The following NALCN variants were observed in gnomAD, a reference collection of about 807,000 sequenced individuals.
NALCN encodes sodium leak channel NALCN.
In NALCN, 111 loss-of-function variants were observed where a neutral mutation model predicts 225.3. The observed-to-expected ratio is 0.49, with a 90% confidence interval of 0.42 to 0.58. The LOEUF (loss-of-function observed/expected upper bound fraction) is 0.58. NALCN is among the 20% of genes least tolerant of loss of function. The pLI is 0.00. For synonymous variants in NALCN, 764 were observed against 769.0 expected (o/e 0.99, Z 0.11); for missense variants, 1,378 against 2,202.4 (o/e 0.63, Z 7.49).
chr13:101,213,254 C>T (rs2040596475), intron 13 of NALCN, among the ~76,000 whole-genome samples: 1 of 152,206 alleles, frequency 6.6e-6, no homozygotes, highest in East Asian at 1.9e-4. Flanking sequence ...ATGTAGAAAG[C>T]TGAAACTGGA....
intron 41 of NALCN, 21 bp downstream of exon 41, chr13:101,061,947 G>A (rs2031981383): frequency 6.2e-7 from 1 of 1,605,900 alleles, no homozygotes; most frequent in African/African-American, 1.3e-5. Context: ...GACCCAACCT[G>A]CATGTGTGCA....
intron 13 of NALCN, among the ~76,000 whole-genome samples, chr13:101,208,360 C>T (rs1031069094): frequency 6.6e-6 from 1 of 152,116 alleles, no homozygotes; most frequent in Non-Finnish European, 1.5e-5. Flanking sequence ...TCAGAAGGAA[C>T]AAACTCTAGA....
At chr13:101,210,310 G>A (rs1235508724) in intron 13 of NALCN, among the ~76,000 whole-genome samples, 1 of 150,696 alleles carries the variant, frequency 6.6e-6, no homozygotes, top group Non-Finnish European at 1.5e-5. Flanking sequence ...AAATGTTAGA[G>A]ACAGTCCTCT....
intron 3 of NALCN, among the ~76,000 whole-genome samples, chr13:101,379,487 C>A (rs1453753264): frequency 2.0e-5 from 3 of 152,110 alleles, no homozygotes; most frequent in African/African-American, 7.2e-5. Context: ...CAATGATAAA[C>A]TGGTTAAAGA....
At chr13:101,341,419 C>A (rs938106080) in intron 7 of NALCN, among the ~76,000 whole-genome samples, 1 of 152,104 alleles carries the variant, frequency 6.6e-6, no homozygotes, top group Non-Finnish European at 1.5e-5. Flanking sequence ...GCTAACTTGA[C>A]CTTATTTTTT....
chr13:101,133,203 AC>A (rs2036600512), intron 17 of NALCN, among the ~76,000 whole-genome samples: 1 of 152,122 alleles, frequency 6.6e-6, no homozygotes, highest in African/African-American at 2.4e-5. Context: ...CCTAGAAACC[AC>A]CTTCAGAATG....
chr13:101,222,681 T>A (rs2040988912), intron 13 of NALCN, among the ~76,000 whole-genome samples: 1 of 152,186 alleles, frequency 6.6e-6, no homozygotes, highest in African/African-American at 2.4e-5. Context: ...TTAGTTGCCC[T>A]AATAAGAGCA....
intron 7 of NALCN, among the ~76,000 whole-genome samples, chr13:101,310,426 G>C (rs2139139820): frequency 6.6e-6 from 1 of 152,052 alleles, no homozygotes; most frequent in Middle Eastern, 3.4e-3. Flanking sequence ...TGCAAGGGCT[G>C]TTCCCGATGC....
At chr13:101,225,298 C>CT (rs1203000095) in intron 13 of NALCN, among the ~76,000 whole-genome samples, 2 of 152,190 alleles carry the variant, frequency 1.3e-5, no homozygotes, top group Admixed American at 6.5e-5. Context: ...CAACACATAT[C>CT]TTTTTCTCCC....
chr13:101,061,142 A>C (rs1259903949), intron 41 of NALCN, among the ~76,000 whole-genome samples: 1 of 152,250 alleles, frequency 6.6e-6, no homozygotes, highest in Admixed American at 6.5e-5. Flanking sequence ...TAAATACAGT[A>C]TATGTCAATG....
intron 15 of NALCN, among the ~76,000 whole-genome samples, chr13:101,146,013 C>T (rs1260610721): frequency 6.6e-6 from 1 of 152,138 alleles, no homozygotes. Context: ...GCAATGCATC[C>T]CTCCTATATG....
chr13:101,279,742 G>A (rs1164606211), intron 10 of NALCN, among the ~76,000 whole-genome samples: 24 of 148,410 alleles, frequency 1.6e-4, no homozygotes, highest in Admixed American at 1.1e-3. Flanking sequence ...GCGTGAACCC[G>A]GGAGGCGGAG....
In NALCN at chr13:101,400,552, T is replaced by TG. The variant is rs201121301; in HGVS notation, c.-39-1388dup. Among the ~76,000 whole-genome samples, 451 of 113,784 alleles carry TG rather than the reference T, an allele frequency of 4.0e-3. 5 individuals are homozygous for TG. The highest frequency in any genetic ancestry group is 0.016 in the African/African-American group (376 of 23,832). 74.6% of individuals were successfully genotyped at this position (113,784 alleles called of 152,430 possible). A position where few individuals can be genotyped will look rare whatever the true frequency, so the allele number is the denominator to read the frequency against. ...TACAAGAACATGTTTGCAGTGTGTG[T>TG]GTGTGTGTGTGTGTGTGTGTGTGTG... is the stretch of plus-strand genomic sequence containing the variant. On this transcript the variant is annotated intron_variant, in intron 1 of 43. Transcript: ENST00000251127.
At chr13:101,115,784 A>G (rs2035680149) in intron 18 of NALCN, among the ~76,000 whole-genome samples, 1 of 152,130 alleles carries the variant, frequency 6.6e-6, no homozygotes, top group Middle Eastern at 3.2e-3. Context: ...TTCTTAGAGG[A>G]AAGACTGGGT....
rs577429162 is a variant in NALCN at position 101,055,053 on chromosome 13, G to A, written c.*242C>T. ...TTTTAAGTGATATACATTTGCTTGC[G>A]GTATCATTTCTAATATTATCAGTAC... On this transcript the variant is annotated 3_prime_UTR_variant, in exon 44 of 44. Transcript: ENST00000251127. 13 of 479,956 alleles carry A rather than the reference G, an allele frequency of 2.7e-5. No homozygotes were observed. Among genetic ancestry groups the A allele is most frequent in the African/African-American group, 1.8e-4 (9 of 51,178 alleles). 29.7% of individuals were successfully genotyped at this position (479,956 alleles called of 1,614,324 possible). A position where few individuals can be genotyped will look rare whatever the true frequency, so the allele number is the denominator to read the frequency against.
At chr13:101,214,387 A>G (rs1002453761) in intron 13 of NALCN, among the ~76,000 whole-genome samples, 6 of 152,200 alleles carry the variant, frequency 3.9e-5, no homozygotes, top group African/African-American at 1.4e-4. Flanking sequence ...TGGCACATGT[A>G]TACATATGTA....
At chr13:101,216,316 T>C (rs1380658403) in intron 13 of NALCN, among the ~76,000 whole-genome samples, 1 of 152,052 alleles carries the variant, frequency 6.6e-6, no homozygotes, top group East Asian at 1.9e-4. Context: ...ACAAAAGATA[T>C]ATGATTTTCA....
rs909311674 is a variant in NALCN at position 101,095,663 on chromosome 13, T to A, written c.3180A>T (p.Ile1060=). The part of the protein sequence containing the change: ...NIIRREDCNG[I]FRINVSVSKN... The stretch of plus-strand genomic sequence containing the variant: ...TTGACACACTGACATTAATTCTGAA[T>A]ATGCCATTGCAATCTTCCTAAAGTA... Residue 1060 remains isoleucine, a synonymous_variant, in exon 28 of 44, where the codon ATA becomes ATT. Coordinates refer to ENST00000251127, the MANE Select transcript of NALCN (RefSeq NM_052867.4). The A allele has an allele frequency of 6.2e-7, 1 of 1,612,622 alleles. No individual in the cohort carries two copies. The highest frequency in any genetic ancestry group is 8.5e-7 in the Non-Finnish European group (1 of 1,179,306).
intron 7 of NALCN, among the ~76,000 whole-genome samples, chr13:101,302,000 GGTCTTTTAGTTTT>G (rs1253779902): frequency 1.3e-5 from 2 of 152,036 alleles, no homozygotes; most frequent in African/African-American, 2.4e-5. Flanking sequence ...TTCCTCTGAG[GGTCTTTTAGTTTT>G]GTCACCCATA....
Sources: gnomAD v4.1 joint callset for allele counts (sites outside exome capture counted in the v4.1 genomes callset) on GRCh38, gnomAD v4.1.1 for gene constraint, MANE v1.5 for transcripts, NCBI Gene and HGNC (gene_info 2026-07-23, HGNC 2026-07-21) for gene names.